SRFBP1: variants seen among roughly 807,000 people sequenced by gnomAD.
SRFBP1 encodes the protein serum response factor binding protein 1.
In SRFBP1, 47 loss-of-function variants were observed where a neutral mutation model predicts 45.5. The observed-to-expected ratio is 1.03, with a 90% CI of 0.82 to 1.32. The LOEUF is 1.32. SRFBP1 is among the 40% of genes most tolerant of loss of function. The probability of loss-of-function intolerance (pLI) is 0.00; values close to 1 mark genes in which losing one functional copy is unlikely to be tolerated. For missense variants in SRFBP1, 621 were observed against 484.6 expected (o/e 1.28, Z -2.64); for synonymous variants, 203 against 166.3 (o/e 1.22, Z -1.70).
intron 2 of SRFBP1, among the ~76,000 whole-genome samples, chr5:122,049,826 A>G (rs1325068348): frequency 1.3e-5 from 2 of 152,222 alleles, no homozygotes; most frequent in African/African-American, 4.8e-5. Flanking sequence ...TTTGAAACCA[A>G]TGAGAACAAG....
At chr5:122,059,145 C>G (rs1754131992) in intron 2 of SRFBP1, among the ~76,000 whole-genome samples, 1 of 152,058 alleles carries the variant, frequency 6.6e-6, no homozygotes, top group South Asian at 2.1e-4. Context: ...AAGTATTCCC[C>G]CAGAGAAAAT....
At chr5:121,964,971 G>C (rs1237128055) in intron 1 of SRFBP1, among the ~76,000 whole-genome samples, 2 of 152,084 alleles carry the variant, frequency 1.3e-5, no homozygotes, top group Admixed American at 6.6e-5. Flanking sequence ...TCATATATTT[G>C]TTGGCTGCAT....
At chr5:122,002,935 A>G (rs1007174574) in intron 4 of SRFBP1, among the ~76,000 whole-genome samples, 2 of 152,214 alleles carry the variant, frequency 1.3e-5, no homozygotes, top group Non-Finnish European at 2.9e-5. Flanking sequence ...GATGTTAGTC[A>G]TATTAAATTT....
At chr5:122,070,290 C>G in intron 2 of SRFBP1, 1 of 687,362 alleles carries the variant, frequency 1.5e-6, no homozygotes, top group Non-Finnish European at 2.6e-6. Flanking sequence ...AGTGGTTAAA[C>G]TCTGGAGACG....
At chr5:122,043,692 A>G (rs1355172999) in intron 2 of SRFBP1, among the ~76,000 whole-genome samples, 1 of 152,048 alleles carries the variant, frequency 6.6e-6, no homozygotes, top group Non-Finnish European at 1.5e-5. Context: ...ATAATACTCC[A>G]CGGCTTTAGA....
chr5:121,988,387 CTGTTATACTCACA>C, intron 3 of SRFBP1, among the ~76,000 whole-genome samples: 1 of 152,226 alleles, frequency 6.6e-6, no homozygotes, highest in Admixed American at 6.5e-5. Context: ...TCATGAAAGG[CTGTTATACTCACA>C]AAAAGTTTAT....
rs569049863 is a variant in SRFBP1 at position 122,054,463 on chromosome 5, G to A, written n.312-20852G>A. Among the ~76,000 whole-genome samples the A allele has an allele frequency of 2.3e-4, 35 of 152,260 alleles. No individual in the cohort carries two copies. The South Asian group carries it at 3.1e-3, about 14-fold the overall frequency. ...CTCAGATCATCAGTCTGCAGGGTCC[G>A]TGTTCACTAGCTCTTTTGTTTCCTG... is the stretch of plus-strand genomic sequence containing the variant. On this transcript the variant is annotated intron_variant and non_coding_transcript_variant, in intron 2 of 2. Coordinates refer to the SRFBP1 transcript ENST00000504881.
rs757270066 is a variant in SRFBP1 at position 122,027,151 on chromosome 5, T to C, written c.*25T>C. The C allele has an allele frequency of 1.9e-6, 3 of 1,568,938 alleles. No homozygotes were observed. In the South Asian group the frequency reaches 3.5e-5, roughly 18 times the overall value. The stretch of plus-strand genomic sequence containing the variant: ...ATTAGTGCCTCTTTCTGCAAACTTT[T>C]CCATCTAAAAAAAAAAATGTTTTTT... On this transcript the variant is annotated 3_prime_UTR_variant, in exon 8 of 8. Coordinates refer to ENST00000339397, the MANE Select transcript of SRFBP1 (RefSeq NM_152546.3).
intron 2 of SRFBP1, among the ~76,000 whole-genome samples, chr5:122,042,926 TCA>T (rs1480879503): frequency 1.3e-5 from 2 of 152,174 alleles, no homozygotes; most frequent in Non-Finnish European, 2.9e-5. Context: ...CAGAAGTCTT[TCA>T]CCACTCTTAT....
Position 122,066,635 on chromosome 5 carries a change from T to TTTCTG in SRFBP1, n.312-8675_312-8671dup, listed in dbSNP as rs1388896013. The TTTCTG allele has an allele frequency of 3.3e-6, 3 of 921,206 alleles. No homozygotes were observed. In the African/African-American group the frequency reaches 5.0e-5, roughly 15 times the overall value. 57.1% of individuals were successfully genotyped at this position (921,206 alleles called of 1,614,324 possible). On this transcript the variant is annotated intron_variant and non_coding_transcript_variant, in intron 2 of 2. Coordinates refer to the SRFBP1 transcript ENST00000504881. The stretch of plus-strand genomic sequence containing the variant: ...GTCCAAACAAAAATTCTTTTGTTGT[T>TTTCTG]TTCTGTTCTCTTTTTCAAAATACAT...
At chr5:122,018,830 G>A (rs1461128099) in intron 4 of SRFBP1, among the ~76,000 whole-genome samples, 1 of 152,166 alleles carries the variant, frequency 6.6e-6, no homozygotes, top group Non-Finnish European at 1.5e-5. Flanking sequence ...CTAGGTCTCT[G>A]TTAAATGGAA....
In SRFBP1 at chr5:122,022,668, CT is replaced by C. The variant is rs374727381; in HGVS notation, c.1105+268del. 4.6e-4 allele frequency among the ~76,000 whole-genome samples: 70 copies of C among 152,242 alleles called. 1 individual carries two copies. The East Asian group carries it at 0.011, about 24-fold the overall frequency. ...TAACTTATCTCAAATTAAACCAACA[CT>C]TTTTTTAAGTAAATTATGCAAGTTA... On this transcript the variant is annotated intron_variant, in intron 7 of 7. Transcript: ENST00000339397.
At position 122,020,588 on chromosome 5, in the gene SRFBP1, T is replaced by G; in HGVS notation, c.853T>G (p.Phe285Val). 6.2e-7 allele frequency: 1 copy of G among 1,613,888 alleles called. No homozygotes were observed. The highest frequency in any genetic ancestry group is 8.5e-7 in the Non-Finnish European group (1 of 1,179,910). The change falls in exon 6 of 8, where the codon TTC becomes GTC. Residue 285 changes from phenylalanine to valine, a missense_variant. Physicochemically the swap from Phe to Val is conservative, Grantham distance 50. Coordinates refer to ENST00000339397, the MANE Select transcript of SRFBP1 (RefSeq NM_152546.3). The stretch of plus-strand genomic sequence containing the variant: ...TGAAGATAGTGATAGCGGTGACGAC[T>G]TCTTCATTGGGAAAGTCAGACGGAC... ...MSEDSDSGDD[F>V]FIGKVRRTRK...
At chr5:121,999,019 A>G (rs926933277) in intron 4 of SRFBP1, among the ~76,000 whole-genome samples, 9 of 151,984 alleles carry the variant, frequency 5.9e-5, no homozygotes, top group African/African-American at 1.2e-4. Context: ...TCCATTCTAC[A>G]TTCTTTAGAT....
intron 2 of SRFBP1, among the ~76,000 whole-genome samples, chr5:122,034,882 C>CT (rs1257168429): frequency 6.6e-5 from 10 of 152,036 alleles, no homozygotes; most frequent in Non-Finnish European, 1.0e-4. Context: ...GATTGTTACT[C>CT]TTAGTGATCC....
chr5:122,077,237 G>T, downstream of SRFBP1: 8 of 1,515,022 alleles, frequency 5.3e-6, no homozygotes, highest in East Asian at 2.4e-5. This position sits in a 1 kb window ranked among gnomAD's most constrained non-coding sequence, Gnocchi z 4.9. Flanking sequence ...GCAGGCGCGT[G>T]GGGGAGGGAT....
downstream of SRFBP1, among the ~76,000 whole-genome samples, chr5:122,030,574 T>C (rs1753572693): frequency 1.3e-5 from 2 of 152,020 alleles, no homozygotes; most frequent in African/African-American, 2.4e-5. Flanking sequence ...TTCCCAGAGA[T>C]TGTTTTTCAA....
chr5:122,060,325 G>C (rs1264785060), intron 2 of SRFBP1, among the ~76,000 whole-genome samples: 2 of 151,970 alleles, frequency 1.3e-5, no homozygotes, highest in African/African-American at 4.8e-5. Flanking sequence ...AAACATGGTG[G>C]CTTGATGGTC....
chr5:122,073,713 C>A (rs776001992), intron 2 of SRFBP1, among the ~76,000 whole-genome samples: 7 of 152,158 alleles, frequency 4.6e-5, no homozygotes, highest in Non-Finnish European at 1.0e-4. Context: ...GGGCCACATG[C>A]ATAACTGGAA....
Sources: gnomAD v4.1 joint callset for allele counts (sites outside exome capture counted in the v4.1 genomes callset) on GRCh38, gnomAD v4.1.1 for gene constraint, Gnocchi (gnomAD v3.1) non-coding constraint, MANE v1.5 for transcripts, NCBI Gene and HGNC (gene_info 2026-07-23, HGNC 2026-07-21) for gene names.